HYDIN: variants seen among roughly 807,000 people sequenced by gnomAD.
HYDIN encodes axonemal central pair apparatus protein HYDIN.
HYDIN carries 132 observed loss-of-function variants against 403.9 expected under a neutral mutation model. That is an observed-to-expected ratio of 0.33 (90% confidence interval 0.28 to 0.38). The LOEUF (loss-of-function observed/expected upper bound fraction) is 0.38, where lower values mean the gene tolerates loss of function less well. Ranked by LOEUF, HYDIN falls within the 10% of genes least tolerant of loss-of-function variation. HYDIN has a pLI of 1.00. For missense variants in HYDIN, 2,827 were observed against 5,009.5 expected (o/e 0.56, Z 13.15); for synonymous variants, 1,202 against 1,891.7 (o/e 0.64, Z 9.46).
chr16:71,201,131 C>T (rs930969959), intron 1 of HYDIN, among the ~76,000 whole-genome samples: 1 of 152,298 alleles, frequency 6.6e-6, no homozygotes, highest in East Asian at 1.9e-4. Flanking sequence ...TATGTCCTCA[C>T]AGCAATGCAC....
At chr16:71,102,476 C>CT (rs1212597537) in intron 10 of HYDIN, among the ~76,000 whole-genome samples, 2 of 151,846 alleles carry the variant, frequency 1.3e-5, no homozygotes, top group African/African-American at 4.8e-5. Context: ...AGAATTTTCA[C>CT]ATTTAATAAT....
intron 5 of HYDIN, among the ~76,000 whole-genome samples, chr16:71,169,149 G>T (rs1465753144): frequency 6.6e-6 from 1 of 152,164 alleles, no homozygotes; most frequent in Non-Finnish European, 1.5e-5. Flanking sequence ...ATGTAGGCTG[G>T]GCACAGCGGC....
At chr16:71,033,665 T>C (rs1349071855) in intron 18 of HYDIN, among the ~76,000 whole-genome samples, 2 of 151,868 alleles carry the variant, frequency 1.3e-5, no homozygotes, top group East Asian at 1.9e-4. Flanking sequence ...TCAGGAAAAA[T>C]AGGTAATGCA....
intron 1 of HYDIN, among the ~76,000 whole-genome samples, chr16:71,189,551 C>A (rs530693416): frequency 2.0e-5 from 3 of 151,894 alleles, no homozygotes; most frequent in Non-Finnish European, 4.4e-5. Context: ...GCGGATCACG[C>A]GGTCAGGAGA....
intron 23 of HYDIN, among the ~76,000 whole-genome samples, chr16:71,012,061 G>C (rs1315191498): frequency 1.3e-5 from 2 of 152,288 alleles, no homozygotes; most frequent in Admixed American, 6.5e-5. Flanking sequence ...AGACTGGGCA[G>C]AGATGCCAGC....
intron 1 of HYDIN, among the ~76,000 whole-genome samples, chr16:71,218,034 A>G (rs1304278515): frequency 2.0e-5 from 3 of 152,224 alleles, no homozygotes; most frequent in African/African-American, 4.8e-5. Flanking sequence ...TCTTTTGATT[A>G]CAAACTCTGA....
At chr16:71,216,726 C>G (rs1311040149) in intron 1 of HYDIN, among the ~76,000 whole-genome samples, 2 of 152,090 alleles carry the variant, frequency 1.3e-5, no homozygotes, top group African/African-American at 4.8e-5. Context: ...ATTCTGCAAC[C>G]CAGTTTTTCC....
intron 83 of HYDIN, among the ~76,000 whole-genome samples, chr16:70,821,727 C>T (rs71401832): frequency 0.11 from 16,771 of 151,454 alleles, 1,102 homozygotes; most frequent in African/African-American, 0.19. Flanking sequence ...TTTCTTGGAT[C>T]TATAGTTTTT....
intron 6 of HYDIN, among the ~76,000 whole-genome samples, chr16:71,159,041 TTCTCCTCCA>T (rs2085901549): frequency 1.5e-5 from 1 of 67,700 alleles, no homozygotes; most frequent in African/African-American, 6.3e-5. Flanking sequence ...ACCTGTTTCC[TTCTCCTCCA>T]TCAAAATATG....
At chr16:70,896,121 A>C (rs1374607509) in intron 53 of HYDIN, 41 bp from the exon 54 acceptor site, 2 of 1,610,072 alleles carry the variant, frequency 1.2e-6, no homozygotes, top group Non-Finnish European at 1.7e-6. Context: ...AGCAAGACCT[A>C]TAGGTGCTTG....
At chr16:70,906,370 C>A (rs896099451) in intron 50 of HYDIN, among the ~76,000 whole-genome samples, 5 of 151,850 alleles carry the variant, frequency 3.3e-5, no homozygotes, top group Admixed American at 6.6e-5. Flanking sequence ...GAGAAAAAGA[C>A]ATGATTGCGT....
intron 55 of HYDIN, 60 bp from the exon 56 acceptor site, chr16:70,892,589 A>G: frequency 6.4e-7 from 1 of 1,552,682 alleles, no homozygotes; most frequent in Non-Finnish European, 8.7e-7. Context: ...AAGATCCCAG[A>G]GAGGAGACTC....
At chr16:71,084,825 T>C (rs6416726) in intron 12 of HYDIN, among the ~76,000 whole-genome samples, 65,893 of 143,616 alleles carry the variant, frequency 0.46, 17,582 homozygotes, top group East Asian at 0.72. Context: ...TAAATTTTGG[T>C]AAATGCTTTT....
In HYDIN at chr16:71,027,653, G is replaced by A. The variant is rs748112119; in HGVS notation, c.2991C>T (p.Tyr997=). 17 of 1,612,000 alleles carry A rather than the reference G, an allele frequency of 1.1e-5. No homozygotes were observed. The highest frequency in any genetic ancestry group is 1.4e-5 in the Non-Finnish European group (16 of 1,179,342). The change falls in exon 20 of 86, where the codon TAC becomes TAT. Residue 997 remains tyrosine, a synonymous_variant. Coordinates refer to ENST00000393567, the MANE Select transcript of HYDIN (RefSeq NM_001270974.2). ...GTATCACATCAATTGCCTGGCCTGG[G>A]TACAGCTCCATGCTGGCGGGGTGGA... ...FHLHPASMEL[Y]PGQAIDVILE...
intron 23 of HYDIN, among the ~76,000 whole-genome samples, chr16:70,997,040 A>G (rs2079554012): frequency 6.6e-6 from 1 of 151,150 alleles, no homozygotes; most frequent in South Asian, 2.1e-4. Context: ...GGGTGATGGG[A>G]GACAGTGACA....
intron 25 of HYDIN, among the ~76,000 whole-genome samples, 162 bp from the exon 26 acceptor site, chr16:70,988,674 C>A (rs2079249624): frequency 9.2e-6 from 1 of 108,456 alleles, no homozygotes; most frequent in Non-Finnish European, 1.7e-5. Flanking sequence ...ATGTTTACTG[C>A]AGCATTATTT....
At chr16:71,053,813 T>C (rs578143250) in intron 18 of HYDIN, among the ~76,000 whole-genome samples, 26 of 152,170 alleles carry the variant, frequency 1.7e-4, no homozygotes, top group African/African-American at 6.3e-4. Flanking sequence ...CTGAGGTAAA[T>C]AAATGTGGGG....
chr16:71,194,164 GCA>G (rs2087575425), intron 1 of HYDIN, among the ~76,000 whole-genome samples: 1 of 152,158 alleles, frequency 6.6e-6, no homozygotes. Flanking sequence ...TGTAATCCCA[GCA>G]CTTTGGGAGG....
chr16:70,831,651 G>A (rs1445528707), intron 80 of HYDIN, among the ~76,000 whole-genome samples: 24 of 139,786 alleles, frequency 1.7e-4, no homozygotes, highest in Non-Finnish European at 3.1e-4. Context: ...GAGGAGGAAC[G>A]GGTTTATGGT....
Sources: allele counts gnomAD v4.1 joint callset (sites outside exome capture counted in the v4.1 genomes callset), GRCh38; gene constraint gnomAD v4.1.1; transcripts MANE v1.5; gene names NCBI Gene and HGNC (gene_info 2026-07-23, HGNC 2026-07-21).